Variants in MSRB2 observed in about 807,000 individuals in gnomAD.
MSRB2 encodes the protein methionine sulfoxide reductase B2, also known as methionine-R-sulfoxide reductase B2, mitochondrial.
A neutral mutation model predicts 19.0 loss-of-function variants in MSRB2; 17 were observed. The observed-to-expected ratio is 0.89, with a 90% CI of 0.61 to 1.34. The LOEUF (loss-of-function observed/expected upper bound fraction) is 1.34, where lower values mean the gene tolerates loss of function less well. Ranked by LOEUF, MSRB2 falls within the 40% of genes most tolerant of loss-of-function variation. MSRB2 has a pLI of 0.00. For missense variants in MSRB2, 208 were observed against 237.6 expected (o/e 0.88, Z 0.82); for synonymous variants, 107 against 99.7 (o/e 1.07, Z -0.44).
At chr10:23,116,762 T>A (rs1044015604) in intron 3 of MSRB2, among the ~76,000 whole-genome samples, 3 of 152,184 alleles carry the variant, frequency 2.0e-5, no homozygotes, top group Non-Finnish European at 4.4e-5. Flanking sequence ...TCAAGGCCAG[T>A]GATTGTTTAG....
intron 2 of MSRB2, among the ~76,000 whole-genome samples, chr10:23,106,047 G>T (rs1839984350): frequency 6.6e-6 from 1 of 152,140 alleles, no homozygotes; most frequent in Admixed American, 6.5e-5. Context: ...GGCAGGGCTT[G>T]GTACATAGAC....
chr10:23,111,369 A>G (rs1840050205), intron 3 of MSRB2, among the ~76,000 whole-genome samples: 1 of 152,204 alleles, frequency 6.6e-6, no homozygotes, highest in Admixed American at 6.5e-5. Context: ...GGATTTTGAG[A>G]TGGCCCATGA....
intron 1 of MSRB2, 137 bp downstream of exon 1, chr10:23,095,863 C>CT: frequency 2.2e-6 from 1 of 464,422 alleles, no homozygotes; most frequent in Admixed American, 4.6e-5. Flanking sequence ...GCCCCTCCCC[C>CT]CCCCCAGCCC....
chr10:23,119,219 T>C, intron 3 of MSRB2, 85 bp from the exon 4 acceptor site: 1 of 1,533,386 alleles, frequency 6.5e-7, no homozygotes, highest in South Asian at 1.1e-5. Context: ...CAGATCCTGC[T>C]GCCTGGAACA....
chr10:23,104,331 G>T (rs1440112894), intron 2 of MSRB2, 87 bp downstream of exon 2: 2 of 1,011,262 alleles, frequency 2.0e-6, no homozygotes, highest in Non-Finnish European at 2.9e-6. Flanking sequence ...AAACCCAGCT[G>T]CCCAGCAACA....
At chr10:23,095,899 A>C (rs1052627555) in intron 1 of MSRB2, among the ~76,000 whole-genome samples, 173 bp downstream of exon 1, 1 of 151,100 alleles carries the variant, frequency 6.6e-6, no homozygotes, top group Non-Finnish European at 1.5e-5. Context: ...TGGATTGTAA[A>C]CTTGGTGGCG....
chr10:23,104,383 G>A (rs1445563638), intron 2 of MSRB2, 139 bp downstream of exon 2: 2 of 600,356 alleles, frequency 3.3e-6, no homozygotes, highest in Non-Finnish European at 5.7e-6. Context: ...GCCCTTCTCG[G>A]GGTGTTGATA....
intron 3 of MSRB2, among the ~76,000 whole-genome samples, chr10:23,112,383 C>T (rs1263724004): frequency 6.6e-6 from 1 of 152,118 alleles, no homozygotes; most frequent in Non-Finnish European, 1.5e-5. Flanking sequence ...TATCCTGGCT[C>T]CATTGCTGTG....
chr10:23,117,244 T>C (rs1365250950), intron 3 of MSRB2, among the ~76,000 whole-genome samples: 2 of 152,220 alleles, frequency 1.3e-5, no homozygotes, highest in Admixed American at 6.5e-5. Flanking sequence ...CTCTAATGGC[T>C]ATACCTGTGG....
chr10:23,099,417 A>C (rs1839902564), intron 1 of MSRB2, among the ~76,000 whole-genome samples: 1 of 152,214 alleles, frequency 6.6e-6, no homozygotes, highest in Non-Finnish European at 1.5e-5. Context: ...AAGTTTTCGC[A>C]CACATTAAAA....
chr10:23,114,465 A>C (rs1258777768), intron 3 of MSRB2, among the ~76,000 whole-genome samples: 1 of 152,192 alleles, frequency 6.6e-6, no homozygotes, highest in African/African-American at 2.4e-5. Flanking sequence ...CTTTGCAAAC[A>C]ATCCTCACCC....
rs892985916 is a variant in MSRB2 at position 23,120,962 on chromosome 10, T to A, written c.*100T>A. On this transcript the variant is annotated 3_prime_UTR_variant, in exon 5 of 5. Coordinates refer to ENST00000376510, the MANE Select transcript of MSRB2 (RefSeq NM_012228.4). ...TGTTTTATTTGCAATAAAACTGGGC[T>A]GAATTTGCTGCTGTCTCCAGCGAGT... 2.3e-6 allele frequency: 2 copies of A among 869,180 alleles called. No homozygotes were observed. Among genetic ancestry groups the A allele is most frequent in the African/African-American group, 3.4e-5 (2 of 59,350 alleles). The allele number at this position is 869,180 out of a possible 1,614,324, so 53.8% of individuals were successfully genotyped here. A position where few individuals can be genotyped will look rare whatever the true frequency, so the allele number is the denominator to read the frequency against.
intron 3 of MSRB2, among the ~76,000 whole-genome samples, chr10:23,118,883 T>G (rs959538467): frequency 6.6e-6 from 1 of 152,232 alleles, no homozygotes; most frequent in Admixed American, 6.5e-5. Flanking sequence ...AGCATGACTT[T>G]CTCATCAGAC....
rs199691499 is a variant in MSRB2, at chr10:23,118,330, G to GTTTTTTTTTTTTTTTT, written c.297-968_297-967insTTTTTTTTTTTTTTTT. On this transcript the variant is annotated intron_variant, in intron 3 of 4. Coordinates refer to ENST00000376510, the MANE Select transcript of MSRB2 (RefSeq NM_012228.4). ...TTTGCTACTTTTTCTTCTTAGATTAGTTTTTTGTTTTTTTTTTTTTTTTTT... is the reference window on the plus strand; with the variant it reads ...TTTGCTACTTTTTCTTCTTAGATTAGTTTTTTTTTTTTTTTTTTTTTTGTTTTTTTTTTTTTTTTTT... Among the ~76,000 whole-genome samples, 3 of 86,644 alleles carry GTTTTTTTTTTTTTTTT rather than the reference G, an allele frequency of 3.5e-5. 1 individual carries two copies. Among genetic ancestry groups the GTTTTTTTTTTTTTTTT allele is most frequent in the African/African-American group, 1.4e-4 (3 of 20,888 alleles). 56.8% of individuals were successfully genotyped at this position (86,644 alleles called of 152,430 possible).
At chr10:23,119,170 G>A (rs770114615) in intron 3 of MSRB2, 134 bp from the exon 4 acceptor site, 13 of 1,145,130 alleles carry the variant, frequency 1.1e-5, no homozygotes, top group East Asian at 2.4e-5. Context: ...ACTGACTGTC[G>A]AATAACTGGG....
intron 2 of MSRB2, among the ~76,000 whole-genome samples, chr10:23,104,968 C>G (rs940821646): frequency 4.6e-5 from 7 of 152,182 alleles, no homozygotes; most frequent in African/African-American, 1.7e-4. Context: ...AGAACTCTTC[C>G]TTCATAGCAT....
At chr10:23,115,211 C>A (rs1218136076) in intron 3 of MSRB2, among the ~76,000 whole-genome samples, 1 of 152,166 alleles carries the variant, frequency 6.6e-6, no homozygotes, top group Non-Finnish European at 1.5e-5. Context: ...GACTCTCTTT[C>A]CTTAACTCGG....
chr10:23,114,693 G>A (rs1021603062), intron 3 of MSRB2, among the ~76,000 whole-genome samples: 3 of 152,180 alleles, frequency 2.0e-5, no homozygotes, highest in Admixed American at 6.5e-5. Context: ...GCATCGTTTC[G>A]TCAGACCTCT....
chr10:23,098,638 A>G (rs951623672), intron 1 of MSRB2, among the ~76,000 whole-genome samples: 1 of 152,224 alleles, frequency 6.6e-6, no homozygotes, highest in African/African-American at 2.4e-5. Flanking sequence ...AAAAGGACAC[A>G]GCCAGTGTTG....
Sources: gnomAD v4.1 joint callset for allele counts (sites outside exome capture counted in the v4.1 genomes callset) on GRCh38, gnomAD v4.1.1 for gene constraint, MANE v1.5 for transcripts, NCBI Gene and HGNC (gene_info 2026-07-23, HGNC 2026-07-21) for gene names.